Variants in SNTB2 observed in about 807,000 individuals in gnomAD.
SNTB2 encodes the protein beta-2-syntrophin.
In SNTB2, 34 loss-of-function variants were observed where a neutral mutation model predicts 46.2. The ratio of observed to expected loss-of-function variants is 0.74; its 90% confidence interval spans 0.56 to 0.98. The LOEUF is 0.98. SNTB2 is among the 50% of genes least tolerant of loss of function. The pLI is 0.00. For synonymous variants in SNTB2, 290 were observed against 312.6 expected (o/e 0.93, Z 0.76); for missense variants, 603 against 731.4 (o/e 0.82, Z 2.02).
At chr16:69,194,146 A>G (rs559188427) in intron 1 of SNTB2, among the ~76,000 whole-genome samples, 8 of 152,316 alleles carry the variant, frequency 5.3e-5, no homozygotes, top group African/African-American at 1.9e-4. Context: ...ATTCAAGGCC[A>G]TATCTGGGTT....
intron 1 of SNTB2, chr16:69,240,511 C>T (rs1964601009): frequency 6.6e-6 from 1 of 152,220 alleles, no homozygotes; most frequent in Non-Finnish European, 1.5e-5. Context: ...GAGAATCCTC[C>T]TGAGAGAATA....
In SNTB2 at chr16:69,246,197, T is replaced by G. The variant is rs1001116225; in HGVS notation, c.794+382T>G. 2.9e-4 allele frequency among the ~76,000 whole-genome samples: 44 copies of G among 152,340 alleles called. No homozygotes were observed. The Middle Eastern group carries it at 0.014, about 47-fold the overall frequency. On this transcript the variant is annotated intron_variant, in intron 2 of 6. Coordinates refer to ENST00000336278, the MANE Select transcript of SNTB2 (RefSeq NM_006750.4). ...ATTCAGTATGATATTGGCTGTGGGT[T>G]TGTCATAGATAGCTCTTATTATTTT...
chr16:69,208,406 C>CA (rs78059351), intron 1 of SNTB2, among the ~76,000 whole-genome samples: 1,815 of 114,132 alleles, frequency 0.016, 28 homozygotes, highest in South Asian at 0.051. Flanking sequence ...AACTTCGTCT[C>CA]AAAAAAAAAA....
Position 69,187,304 on chromosome 16 carries a change from G to C in SNTB2, c.138G>C (p.Glu46Asp), listed in dbSNP as rs763839683. 1 of 1,470,450 alleles carries C rather than the reference G, an allele frequency of 6.8e-7. No individual in the cohort carries two copies. The highest frequency in any genetic ancestry group is 1.4e-5 in the African/African-American group (1 of 69,302). 91.1% of individuals were successfully genotyped at this position (1,470,450 alleles called of 1,614,324 possible). A position where few individuals can be genotyped will look rare whatever the true frequency, so the allele number is the denominator to read the frequency against. Reference protein sequence around the residue: ...WVRVVAELSGESLSLTGDAAA... With the variant: ...WVRVVAELSGDSLSLTGDAAA... ...GAGTGGTGGCCGAGCTGAGCGGGGA[G>C]AGCCTGAGCCTGACGGGCGACGCCG... Residue 46 changes from glutamate (E) to aspartate (D), a missense_variant, in exon 1 of 7, where the codon GAG (glutamate) becomes GAC (aspartate). Physicochemically the swap from Glu to Asp is conservative, Grantham distance 45. Coordinates refer to ENST00000336278, the MANE Select transcript of SNTB2 (RefSeq NM_006750.4).
intron 2 of SNTB2, among the ~76,000 whole-genome samples, chr16:69,256,482 C>G (rs1238511034): frequency 1.3e-5 from 2 of 152,160 alleles, no homozygotes; most frequent in East Asian, 3.8e-4. Flanking sequence ...AAAAACTCCC[C>G]ATTTCACCCT....
At chr16:69,243,654 C>T (rs370526407) in intron 1 of SNTB2, among the ~76,000 whole-genome samples, 1 of 152,144 alleles carries the variant, frequency 6.6e-6, no homozygotes, top group Non-Finnish European at 1.5e-5. Flanking sequence ...TTTGCAGTAA[C>T]TGGAAACCTT....
At chr16:69,189,258 G>C (rs1964025910) in intron 1 of SNTB2, among the ~76,000 whole-genome samples, 1 of 152,082 alleles carries the variant, frequency 6.6e-6, no homozygotes, top group African/African-American at 2.4e-5. Flanking sequence ...AGTGTTAATA[G>C]AAGGAGTAAA....
chr16:69,279,608 C>T (rs1965018816), intron 4 of SNTB2, among the ~76,000 whole-genome samples: 1 of 143,404 alleles, frequency 7.0e-6, no homozygotes, highest in Admixed American at 7.3e-5. Flanking sequence ...TCACTGCACA[C>T]TCCGCCTCCC....
chr16:69,263,108 C>CTTT (rs35884506), intron 3 of SNTB2, among the ~76,000 whole-genome samples: 2 of 141,914 alleles, frequency 1.4e-5, no homozygotes, highest in Non-Finnish European at 3.1e-5. Context: ...TTCCACTCTA[C>CTTT]TTTTTTTTTT....
intron 1 of SNTB2, among the ~76,000 whole-genome samples, chr16:69,224,993 A>G (rs1410264205): frequency 6.6e-6 from 1 of 152,196 alleles, no homozygotes; most frequent in Non-Finnish European, 1.5e-5. Context: ...CTACAGTGGA[A>G]TTCATTAGTA....
At chr16:69,298,061 C>T (rs1326428462) in intron 5 of SNTB2, among the ~76,000 whole-genome samples, 1 of 152,162 alleles carries the variant, frequency 6.6e-6, no homozygotes. Flanking sequence ...ACCCCAGCCT[C>T]CTGAGTAGCT....
rs140563823 is a variant in SNTB2 at position 69,291,958 on chromosome 16, G to A, written c.1346-7632G>A. 4.4e-4 allele frequency among the ~76,000 whole-genome samples: 66 copies of A among 150,680 alleles called. No individual in the cohort carries two copies. The Middle Eastern group carries it at 0.011, about 24-fold the overall frequency. On this transcript the variant is annotated intron_variant, in intron 5 of 6. Transcript: ENST00000336278. The stretch of plus-strand genomic sequence containing the variant: ...AAATAGGCTGGGCACGGTGGCTCAC[G>A]CCTGTAATCCTAGCACTTTGGGAGG...
chr16:69,199,873 T>C (rs772539639), intron 1 of SNTB2, among the ~76,000 whole-genome samples: 1 of 151,970 alleles, frequency 6.6e-6, no homozygotes, highest in Non-Finnish European at 1.5e-5. Context: ...GGGGGACTTT[T>C]AAAAAATGTT....
chr16:69,284,206 G>A lies in SNTB2; in HGVS notation c.1307G>A (p.Cys436Tyr). Reference sequence around the variant, plus strand: ...TGGACCAGGATACTTGTTCAGGGTTGCCATGCTGCTGCTGAGCTGATCAAG... The same window carrying A: ...TGGACCAGGATACTTGTTCAGGGTTACCATGCTGCTGCTGAGCTGATCAAG... ...SSWTRILVQG[C>Y]HAAAELIKEV... Residue 436 changes from cysteine to tyrosine, a missense_variant, in exon 5 of 7, where the codon TGC (cysteine) becomes TAC (tyrosine). Transcript: ENST00000336278. 6.2e-7 allele frequency: 1 copy of A among 1,613,850 alleles called. No individual in the cohort carries two copies. The highest frequency in any genetic ancestry group is 8.5e-7 in the Non-Finnish European group (1 of 1,179,914).
chr16:69,300,796 A>C, intron 6 of SNTB2, 36 bp from the exon 7 acceptor site: 1 of 1,272,060 alleles, frequency 7.9e-7, no homozygotes, highest in Non-Finnish European at 1.2e-6. Flanking sequence ...TGTATATGGT[A>C]GTGAGGTAGT....
rs190544664 is a variant in SNTB2 at position 69,214,255 on chromosome 16, C to G, written c.580+26509C>G. On this transcript the variant is annotated intron_variant, in intron 1 of 6. Coordinates refer to ENST00000336278, the MANE Select transcript of SNTB2 (RefSeq NM_006750.4). ...AAGTGATTCTCCTGCCTCAGCCTCC[C>G]AAGTAGCTGGGATCACAAGTGTGCA... Among the ~76,000 whole-genome samples the G allele has an allele frequency of 2.8e-3, 418 of 150,304 alleles. 1 individual carries two copies. The highest frequency in any genetic ancestry group is 3.2e-3 in the Non-Finnish European group (213 of 67,464).
At chr16:69,285,638 C>T (rs911329690) in intron 5 of SNTB2, among the ~76,000 whole-genome samples, 2 of 150,146 alleles carry the variant, frequency 1.3e-5, no homozygotes, top group Non-Finnish European at 3.0e-5. Flanking sequence ...CACCACAGCA[C>T]CCAGCTAATT....
intron 4 of SNTB2, among the ~76,000 whole-genome samples, chr16:69,270,902 T>A (rs949039461): frequency 1.3e-5 from 2 of 152,176 alleles, no homozygotes; most frequent in Non-Finnish European, 2.9e-5. Flanking sequence ...ATATCCAAAT[T>A]CAAATTTTTT....
Position 69,187,334 on chromosome 16 carries a change from G to C in SNTB2, c.168G>C (p.Ala56=). 3.5e-6 allele frequency: 5 copies of C among 1,447,552 alleles called. No homozygotes were observed. In the South Asian group the frequency reaches 5.4e-5, roughly 15 times the overall value. 89.7% of individuals were successfully genotyped at this position (1,447,552 alleles called of 1,614,324 possible). A position where few individuals can be genotyped will look rare whatever the true frequency, so the allele number is the denominator to read the frequency against. The stretch of plus-strand genomic sequence containing the variant: ...TGAGCCTGACGGGCGACGCCGCCGC[G>C]GCCGAGCTGGAGCCCGCTCTGGGAC... The part of the protein sequence containing the change: ...ESLSLTGDAA[A]AELEPALGPA... The change falls in exon 1 of 7, where the codon GCG becomes GCC. Residue 56 remains alanine (A), a synonymous_variant. Transcript: ENST00000336278.
Sources: gnomAD v4.1 joint callset for allele counts (sites outside exome capture counted in the v4.1 genomes callset) on GRCh38, gnomAD v4.1.1 for gene constraint, MANE v1.5 for transcripts, NCBI Gene and HGNC (gene_info 2026-07-23, HGNC 2026-07-21) for gene names.